Variants in USH2A observed in about 807,000 individuals in gnomAD.
USH2A encodes Usher syndrome 2A (autosomal recessive, mild).
In USH2A, 443 loss-of-function variants were observed where a neutral mutation model predicts 538.9. That is an observed-to-expected ratio of 0.82 (90% CI 0.76 to 0.89). The LOEUF (loss-of-function observed/expected upper bound fraction) is 0.89. Among genes scored for constraint, USH2A ranks in the 40% least tolerant of loss-of-function variants. USH2A has a pLI of 0.00. For missense variants in USH2A, 6,633 were observed against 6,324.8 expected, an observed-to-expected ratio of 1.05 and a Z score of -1.65; for synonymous variants, 2,413 against 2,273.5, an observed-to-expected ratio of 1.06 and a Z score of -1.75.
At chr1:216,115,127 GTTT>G (rs1417508473) in intron 21 of USH2A, among the ~76,000 whole-genome samples, 1 of 150,890 alleles carries the variant, frequency 6.6e-6, no homozygotes, top group Non-Finnish European at 1.5e-5. Context: ...GTTTTGTTTT[GTTT>G]TGTTTTGTTT....
At chr1:216,168,885 C>T (rs1184459705) in intron 21 of USH2A, among the ~76,000 whole-genome samples, 4 of 151,994 alleles carry the variant, frequency 2.6e-5, no homozygotes, top group East Asian at 1.9e-4. Flanking sequence ...ATTTCATGTC[C>T]GACCCAACCA....
At chr1:215,879,854 G>A (rs547889610) in intron 41 of USH2A, among the ~76,000 whole-genome samples, 1 of 152,064 alleles carries the variant, frequency 6.6e-6, no homozygotes, top group Non-Finnish European at 1.5e-5. Flanking sequence ...GTTCTTATGG[G>A]GAAAGAGATC....
intron 30 of USH2A, among the ~76,000 whole-genome samples, chr1:216,049,699 T>C (rs2030674098): frequency 6.6e-6 from 1 of 152,150 alleles, no homozygotes; most frequent in African/African-American, 2.4e-5. Context: ...CATGTTTCCA[T>C]AATTTCCCTC....
At chr1:215,628,663 G>C in intron 71 of USH2A, 151 bp downstream of exon 71, 1 of 794,044 alleles carries the variant, frequency 1.3e-6, no homozygotes, top group Admixed American at 1.9e-5. Flanking sequence ...AACAACTGAA[G>C]TAACATTAGT....
chr1:215,689,548 C>A (rs1658534589), intron 61 of USH2A, among the ~76,000 whole-genome samples: 1 of 152,126 alleles, frequency 6.6e-6, no homozygotes, highest in South Asian at 2.1e-4. Context: ...TAGAAAATGG[C>A]AAAACTCTAG....
At chr1:215,813,008 T>A (rs1362867904) in intron 49 of USH2A, among the ~76,000 whole-genome samples, 1 of 152,218 alleles carries the variant, frequency 6.6e-6, no homozygotes, top group Non-Finnish European at 1.5e-5. Flanking sequence ...CTGCCTTGTA[T>A]AATACAAATT....
chr1:216,258,488 T>A (rs2036301047), intron 11 of USH2A, among the ~76,000 whole-genome samples: 1 of 152,052 alleles, frequency 6.6e-6, no homozygotes, highest in South Asian at 2.1e-4. Context: ...GCTCTGTAGA[T>A]CTGTGAAATT....
At chr1:216,026,086 G>C (rs1340508726) in intron 32 of USH2A, among the ~76,000 whole-genome samples, 1 of 152,006 alleles carries the variant, frequency 6.6e-6, no homozygotes, top group Admixed American at 6.6e-5. Context: ...TTTTAAACTC[G>C]AACTATTTTT....
intron 11 of USH2A, among the ~76,000 whole-genome samples, chr1:216,265,522 A>G (rs1427524773): frequency 2.0e-5 from 3 of 152,214 alleles, no homozygotes; most frequent in African/African-American, 7.2e-5. Flanking sequence ...TTTTGAAATC[A>G]GTACGTTGAA....
intron 35 of USH2A, among the ~76,000 whole-genome samples, chr1:215,981,812 C>T (rs1667758144): frequency 6.6e-6 from 1 of 152,120 alleles, no homozygotes; most frequent in African/African-American, 2.4e-5. Context: ...ACCAGATAGC[C>T]TCTATAAATG....
chr1:215,902,306 G>T (rs1445548996), intron 38 of USH2A, among the ~76,000 whole-genome samples: 1 of 152,112 alleles, frequency 6.6e-6, no homozygotes, highest in African/African-American at 2.4e-5. Flanking sequence ...TGAACAATGA[G>T]GCTAATGAAT....
chr1:216,171,126 T>G (rs905759921), intron 21 of USH2A, among the ~76,000 whole-genome samples: 13 of 152,104 alleles, frequency 8.5e-5, no homozygotes, highest in African/African-American at 2.9e-4. Flanking sequence ...AGTAAATTTG[T>G]ATCAATCTTA....
At chr1:216,368,810 G>A (rs2791290) in intron 3 of USH2A, among the ~76,000 whole-genome samples, 126,090 of 152,118 alleles carry the variant, frequency 0.83, 52,705 homozygotes, top group African/African-American at 0.95. Flanking sequence ...GGTGTATAAC[G>A]TATTTTTGGA....
At position 216,379,863 on chromosome 1, in the gene USH2A, T is replaced by C. The variant is rs894043677; in HGVS notation, c.652-14778A>G. On this transcript the variant is annotated intron_variant, in intron 3 of 71. Coordinates refer to ENST00000307340, the MANE Select transcript of USH2A (RefSeq NM_206933.4). ...ACTTAGGCCCTAAGCAGAGTTTAGT[T>C]GGAATATATATTTTAAAGGACAAGT... 4.6e-5 allele frequency among the ~76,000 whole-genome samples: 7 copies of C among 152,302 alleles called. No homozygotes were observed. The East Asian group carries it at 1.4e-3, about 29-fold the overall frequency.
At chr1:216,101,131 C>G (rs554760655) in intron 21 of USH2A, among the ~76,000 whole-genome samples, 15 of 152,212 alleles carry the variant, frequency 9.9e-5, no homozygotes, top group African/African-American at 3.6e-4. Flanking sequence ...AAAATGCACA[C>G]GTTCACTGAA....
At chr1:215,848,443 G>A (rs1663924206) in intron 44 of USH2A, among the ~76,000 whole-genome samples, 1 of 152,132 alleles carries the variant, frequency 6.6e-6, no homozygotes, top group South Asian at 2.1e-4. Context: ...ATATACCTAT[G>A]TAGATACATT....
intron 9 of USH2A, among the ~76,000 whole-genome samples, chr1:216,300,650 G>A (rs773972260): frequency 1.5e-4 from 22 of 150,998 alleles, no homozygotes; most frequent in Non-Finnish European, 2.1e-4. Flanking sequence ...GTGTTTCTTC[G>A]TTACCATTAC....
At chr1:215,628,767 T>G (rs576224688) in intron 71 of USH2A, 47 bp downstream of exon 71, 2 of 1,602,140 alleles carry the variant, frequency 1.2e-6, no homozygotes, top group Admixed American at 3.3e-5. Context: ...TACCAATATT[T>G]TTTCTGGGAT....
intron 20 of USH2A, among the ~76,000 whole-genome samples, chr1:216,185,700 T>C (rs1182889468): frequency 1.3e-5 from 2 of 151,932 alleles, no homozygotes; most frequent in African/African-American, 2.4e-5. Context: ...AAGTCAACTT[T>C]TATTACTCTC....
Sources: allele counts gnomAD v4.1 joint callset (sites outside exome capture counted in the v4.1 genomes callset), GRCh38; gene constraint gnomAD v4.1.1; transcripts MANE v1.5; gene names NCBI Gene and HGNC (gene_info 2026-07-23, HGNC 2026-07-21).